Variants in CPNE3 observed in about 807,000 individuals in gnomAD.
CPNE3 encodes the protein copine 3.
In CPNE3, 68 loss-of-function variants were observed where a neutral mutation model predicts 63.9. That is an observed-to-expected ratio of 1.06 (90% CI 0.87 to 1.30). The LOEUF (loss-of-function observed/expected upper bound fraction) is 1.30, where lower values mean the gene tolerates loss of function less well. Among genes scored for constraint, CPNE3 ranks in the 50% most tolerant of loss-of-function variants. CPNE3 has a pLI of 0.00. For synonymous variants in CPNE3, 219 were observed against 197.5 expected (o/e 1.11, Z -0.91); for missense variants, 665 against 578.1 (o/e 1.15, Z -1.54).
chr8:86,518,057 C>G (rs1020019296), intron 2 of CPNE3, among the ~76,000 whole-genome samples: 1 of 152,166 alleles, frequency 6.6e-6, no homozygotes, highest in Non-Finnish European at 1.5e-5. Context: ...ACCTTGAGAA[C>G]CACATGGTTG....
chr8:86,529,174 G>T, intron 4 of CPNE3, 50 bp downstream of exon 4: 1 of 1,484,292 alleles, frequency 6.7e-7, no homozygotes, highest in Non-Finnish European at 9.2e-7. Flanking sequence ...TTTAATCAAT[G>T]AATTTGGTGG....
At chr8:86,527,289 A>G (rs1228550374) in intron 2 of CPNE3, among the ~76,000 whole-genome samples, 1 of 152,138 alleles carries the variant, frequency 6.6e-6, no homozygotes, top group African/African-American at 2.4e-5. Context: ...CAGATGGGAA[A>G]TGCAATGCCT....
At chr8:86,523,796 G>A (rs762488402) in intron 2 of CPNE3, among the ~76,000 whole-genome samples, 5 of 152,142 alleles carry the variant, frequency 3.3e-5, no homozygotes, top group Non-Finnish European at 7.3e-5. Flanking sequence ...ATGTTGGCCA[G>A]GCTGAGTTCT....
chr8:86,556,777 C>A (rs957977321), intron 16 of CPNE3, among the ~76,000 whole-genome samples: 2 of 152,130 alleles, frequency 1.3e-5, no homozygotes, highest in African/African-American at 4.8e-5. Flanking sequence ...TCATAAGGAT[C>A]CCCCTGGTTG....
Position 86,558,288 on chromosome 8 carries a change from G to T in CPNE3, c.1492G>T (p.Ala498Ser). The change falls in exon 17 of 17, where the codon GCT becomes TCT. Residue 498 changes from alanine (A) to serine (S), a missense_variant and splice_region_variant. Transcript: ENST00000517490. ...QFVPFRQFQN[A>S]PKEALAQCVL... ...TCACTTTTATTTTGTTTTTCACAAGGCTCCAAAAGAAGCACTTGCTCAGTG... is the reference window on the plus strand; with the variant it reads ...TCACTTTTATTTTGTTTTTCACAAGTCTCCAAAAGAAGCACTTGCTCAGTG... 1.1e-6 allele frequency: 1 copy of T among 872,850 alleles called. No individual in the cohort carries two copies. Among genetic ancestry groups the T allele is most frequent in the Non-Finnish European group, 2.0e-6 (1 of 501,600 alleles). The allele number at this position is 872,850 out of a possible 1,614,324, so 54.1% of individuals were successfully genotyped here.
chr8:86,548,614 T>C (rs1247575189), intron 12 of CPNE3, among the ~76,000 whole-genome samples, 180 bp downstream of exon 12: 5 of 152,202 alleles, frequency 3.3e-5, no homozygotes, highest in African/African-American at 4.8e-5. Flanking sequence ...ACCTTAGATC[T>C]CTAATATCTT....
intron 12 of CPNE3, among the ~76,000 whole-genome samples, chr8:86,550,016 C>T (rs1821137779): frequency 6.6e-6 from 1 of 152,210 alleles, no homozygotes; most frequent in Non-Finnish European, 1.5e-5. Context: ...TCATATCCTA[C>T]TTCAAAACAC....
At chr8:86,531,355 T>C in intron 5 of CPNE3, 126 bp downstream of exon 5, 1 of 668,232 alleles carries the variant, frequency 1.5e-6, no homozygotes, top group Non-Finnish European at 2.8e-6. Context: ...TTGCATTCCA[T>C]CCACCCATGT....
intron 6 of CPNE3, 132 bp downstream of exon 6, chr8:86,532,712 ATGTG>A: frequency 1.4e-6 from 1 of 719,474 alleles, no homozygotes; most frequent in Non-Finnish European, 2.3e-6. Flanking sequence ...CAAATTTTGC[ATGTG>A]TGTGTGTGTG....
intron 15 of CPNE3, 93 bp downstream of exon 15, chr8:86,555,077 A>T (rs3816240): frequency 1.9e-5 from 30 of 1,545,632 alleles, no homozygotes; most frequent in Admixed American, 3.8e-5. Flanking sequence ...CATAATACAA[A>T]GTCAGGGCAA....
chr8:86,537,475 G>C lies in CPNE3; in HGVS notation c.460-88G>C, dbSNP rs564800562. 37 of 790,114 alleles carry C rather than the reference G, an allele frequency of 4.7e-5. 1 individual carries two copies. The South Asian group carries it at 4.9e-4, about 11-fold the overall frequency. The allele number at this position is 790,114 out of a possible 1,614,324, so 48.9% of individuals were successfully genotyped here. ...AATACTATAGAGTTAGACTTCAGGT[G>C]GTTGCCAACATGTGTAAAGTATGGT... On this transcript the variant is annotated intron_variant, in intron 6 of 16. Transcript: ENST00000517490.
intron 2 of CPNE3, among the ~76,000 whole-genome samples, chr8:86,517,498 T>A (rs1820341225): frequency 6.6e-6 from 1 of 152,180 alleles, no homozygotes; most frequent in Non-Finnish European, 1.5e-5. Context: ...TTAAAAGAGG[T>A]ACCTGCAACT....
At chr8:86,553,277 A>T (rs76366085) in intron 14 of CPNE3, among the ~76,000 whole-genome samples, 4,629 of 152,110 alleles carry the variant, frequency 0.03, 197 homozygotes, top group African/African-American at 0.096. Flanking sequence ...AAGGTTGTTC[A>T]TAAGACTACC....
intron 4 of CPNE3, among the ~76,000 whole-genome samples, chr8:86,529,778 G>T (rs1586832931): frequency 6.6e-6 from 1 of 152,100 alleles, no homozygotes. Flanking sequence ...ATGACCATTT[G>T]CATAGACTGA....
chr8:86,514,746 G>T (rs2131406921), intron 1 of CPNE3: 2 of 152,282 alleles, frequency 1.3e-5, no homozygotes, highest in African/African-American at 4.8e-5. Flanking sequence ...TCCCGAGCTA[G>T]GTCGCGGCCT....
At chr8:86,524,374 A>G (rs1820495137) in intron 2 of CPNE3, among the ~76,000 whole-genome samples, 1 of 152,154 alleles carries the variant, frequency 6.6e-6, no homozygotes, top group African/African-American at 2.4e-5. Flanking sequence ...TCTCTGTTAT[A>G]ATATTGATTC....
rs760930651 is a variant in CPNE3, at chr8:86,558,294, AAAG to A, written c.1502_1504del (p.Glu501del). 1.1e-6 allele frequency: 1 copy of A among 872,928 alleles called. No homozygotes were observed. The highest frequency in any genetic ancestry group is 1.7e-5 in the Admixed American group (1 of 59,192). 54.1% of individuals were successfully genotyped at this position (872,928 alleles called of 1,614,324 possible). A position where few individuals can be genotyped will look rare whatever the true frequency, so the allele number is the denominator to read the frequency against. ...TTATTTTGTTTTTCACAAGGCTCCAAAAGAAGCACTTGCTCAGTGTGTCTTGGC... is the reference window on the plus strand; with the variant it reads ...TTATTTTGTTTTTCACAAGGCTCCAAAAGCACTTGCTCAGTGTGTCTTGGC... On this transcript the variant is annotated inframe_deletion, in exon 17 of 17. Coordinates refer to ENST00000517490, the MANE Select transcript of CPNE3 (RefSeq NM_003909.5).
At chr8:86,529,318 A>G (rs1820617420) in intron 4 of CPNE3, among the ~76,000 whole-genome samples, 194 bp downstream of exon 4, 1 of 152,164 alleles carries the variant, frequency 6.6e-6, no homozygotes. Context: ...GGAACTATGT[A>G]TTTATGAAAA....
At chr8:86,519,001 A>G (rs1358316367) in intron 2 of CPNE3, among the ~76,000 whole-genome samples, 2 of 152,144 alleles carry the variant, frequency 1.3e-5, no homozygotes, top group Non-Finnish European at 2.9e-5. Flanking sequence ...AGCTCCAGCC[A>G]TCTGCCTGCC....
Sources: allele counts gnomAD v4.1 joint callset (sites outside exome capture counted in the v4.1 genomes callset), GRCh38; gene constraint gnomAD v4.1.1; transcripts MANE v1.5; gene names NCBI Gene and HGNC (gene_info 2026-07-23, HGNC 2026-07-21).